WAPL: variants seen among roughly 807,000 people sequenced by gnomAD.
WAPL encodes wings apart-like protein homolog.
In WAPL, 5 loss-of-function variants were observed where a neutral mutation model predicts 121.0. That is an observed-to-expected ratio of 0.04 (90% CI 0.02 to 0.09). The LOEUF (loss-of-function observed/expected upper bound fraction) is 0.09. WAPL is among the 10% of genes least tolerant of loss of function. The pLI is 1.00. For missense variants in WAPL, 999 were observed against 1,410.8 expected (o/e 0.71, Z 4.68); for synonymous variants, 480 against 481.5 (o/e 1.00, Z 0.04).
chr10:86,441,318 C>T (rs541165379), intron 17 of WAPL, among the ~76,000 whole-genome samples: 15 of 152,276 alleles, frequency 9.9e-5, no homozygotes, highest in African/African-American at 3.4e-4. Flanking sequence ...ATAGTCACAA[C>T]CTTTCACTTT....
At chr10:86,502,641 A>T (rs766603914) in intron 2 of WAPL, among the ~76,000 whole-genome samples, 10 of 152,234 alleles carry the variant, frequency 6.6e-5, no homozygotes, top group Admixed American at 1.3e-4. Context: ...ACTGTATACT[A>T]GTCTATACAC....
In WAPL at chr10:86,501,273, T is replaced by C. The variant is rs562542815; in HGVS notation, c.500-530A>G. ...TTCTTTCTTCTAATCCTAAATGCCA[T>C]ATAATCTCAAGGGAATTTTTAGCAG... On this transcript the variant is annotated intron_variant, in intron 2 of 18. Transcript: ENST00000298767. Among the ~76,000 whole-genome samples, 46 of 152,310 alleles carry C rather than the reference T, an allele frequency of 3.0e-4. 1 individual carries two copies. The South Asian group carries it at 7.9e-3, about 26-fold the overall frequency.
intron 9 of WAPL, among the ~76,000 whole-genome samples, chr10:86,462,482 G>GGCC (rs1189656686): frequency 6.6e-6 from 1 of 152,062 alleles, no homozygotes; most frequent in Non-Finnish European, 1.5e-5. Flanking sequence ...CACTTTGGGA[G>GGCC]GCCGAGGCGG....
chr10:86,502,249 C>T (rs922834387), intron 2 of WAPL, among the ~76,000 whole-genome samples: 13 of 152,108 alleles, frequency 8.5e-5, no homozygotes, highest in African/African-American at 3.1e-4. Context: ...CACCTGAATA[C>T]TATGCAGTTG....
chr10:86,508,586 C>G (rs941557523), intron 2 of WAPL, among the ~76,000 whole-genome samples: 3 of 152,148 alleles, frequency 2.0e-5, no homozygotes, highest in African/African-American at 7.2e-5. Flanking sequence ...GCAGTCCTCA[C>G]TTAAGTTGAT....
intron 12 of WAPL, among the ~76,000 whole-genome samples, chr10:86,454,508 C>T (rs1163125493): frequency 1.3e-5 from 2 of 152,226 alleles, no homozygotes; most frequent in Non-Finnish European, 2.9e-5. Context: ...CTGCCTAGTG[C>T]CTGGGACTGC....
At chr10:86,495,695 A>G (rs1228639455) in intron 4 of WAPL, among the ~76,000 whole-genome samples, 1 of 152,248 alleles carries the variant, frequency 6.6e-6, no homozygotes, top group Non-Finnish European at 1.5e-5. Flanking sequence ...ATGTTTTTGC[A>G]TCAAAGGACA....
chr10:86,494,193 TA>T (rs1221491712), intron 4 of WAPL, among the ~76,000 whole-genome samples: 1 of 152,156 alleles, frequency 6.6e-6, no homozygotes, highest in Non-Finnish European at 1.5e-5. Flanking sequence ...AATGAAGGAA[TA>T]AAAATAGTTA....
chr10:86,498,576 T>C (rs942512143), intron 3 of WAPL, among the ~76,000 whole-genome samples: 8 of 152,200 alleles, frequency 5.3e-5, no homozygotes, highest in African/African-American at 1.9e-4. Flanking sequence ...ACTGTAATTC[T>C]AATTTACCAT....
chr10:86,517,760 C>A lies in WAPL; in HGVS notation c.310G>T (p.Ala104Ser). Residue 104 changes from alanine to serine, a missense_variant, in exon 2 of 19, where the codon GCT becomes TCT. Coordinates refer to ENST00000298767, the MANE Select transcript of WAPL (RefSeq NM_015045.5). Reference protein sequence around the residue: ...CSSYSESSEAAQLEEVTSVLE... With the variant: ...CSSYSESSEASQLEEVTSVLE... ...ACTGAAGTGACCTCTTCCAACTGAG[C>A]AGCTTCACTAGATTCTGAATAAGAG... 6.2e-7 allele frequency: 1 copy of A among 1,614,162 alleles called. No individual in the cohort carries two copies. The highest frequency in any genetic ancestry group is 8.5e-7 in the Non-Finnish European group (1 of 1,180,024).
chr10:86,478,237 TG>T (rs1249671463), intron 4 of WAPL, among the ~76,000 whole-genome samples: 1 of 151,996 alleles, frequency 6.6e-6, no homozygotes, highest in Non-Finnish European at 1.5e-5. Context: ...TGAGACAGCC[TG>T]TGCAACACGG....
intron 1 of WAPL, among the ~76,000 whole-genome samples, chr10:86,520,522 C>T (rs11202056): frequency 0.02 from 3,115 of 152,190 alleles, 121 homozygotes; most frequent in African/African-American, 0.071. Context: ...TCGTTTCCCA[C>T]AATAAAATGT....
intron 9 of WAPL, among the ~76,000 whole-genome samples, chr10:86,464,616 C>A (rs927008535): frequency 6.6e-6 from 1 of 152,180 alleles, no homozygotes; most frequent in Non-Finnish European, 1.5e-5. Context: ...GAGGACAGAT[C>A]ACCTGAGTTC....
rs546409875 is a variant in WAPL, at chr10:86,498,831, C to T, written c.1525+887G>A. Among the ~76,000 whole-genome samples the T allele has an allele frequency of 2.6e-5, 4 of 152,308 alleles. No homozygotes were observed. In the South Asian group the frequency reaches 8.3e-4, roughly 32 times the overall value. On this transcript the variant is annotated intron_variant, in intron 3 of 18. Coordinates refer to ENST00000298767, the MANE Select transcript of WAPL (RefSeq NM_015045.5). Reference sequence around the variant, plus strand: ...ACTCCTTGAGGACCCTTAGTCACTACTGAGTCTACAATCTCGGCACAAATT... The same window carrying T: ...ACTCCTTGAGGACCCTTAGTCACTATTGAGTCTACAATCTCGGCACAAATT...
At chr10:86,452,371 C>G (rs934971130) in intron 14 of WAPL, among the ~76,000 whole-genome samples, 1 of 151,842 alleles carries the variant, frequency 6.6e-6, no homozygotes, top group African/African-American at 2.4e-5. Context: ...GTAGGTGGAT[C>G]ACTTGAGGCC....
intron 12 of WAPL, among the ~76,000 whole-genome samples, chr10:86,458,224 T>C (rs1841193196): frequency 6.6e-6 from 1 of 152,230 alleles, no homozygotes; most frequent in African/African-American, 2.4e-5. Context: ...TTGTTCTGGA[T>C]AGGCTAAAGG....
At chr10:86,476,772 A>C (rs1418971529) in intron 4 of WAPL, among the ~76,000 whole-genome samples, 1 of 152,206 alleles carries the variant, frequency 6.6e-6, no homozygotes, top group Non-Finnish European at 1.5e-5. Context: ...GTTTAAGTCT[A>C]ACACATTCGT....
Position 86,437,406 on chromosome 10 carries a change from T to C in WAPL, c.*137A>G. 1 of 763,946 alleles carries C rather than the reference T, an allele frequency of 1.3e-6. No homozygotes were observed. The highest frequency in any genetic ancestry group is 2.0e-6 in the Non-Finnish European group (1 of 494,406). The allele number at this position is 763,946 out of a possible 1,614,324, so 47.3% of individuals were successfully genotyped here. ...CCGAATGCATGACGAAGAAATCAGG[T>C]GGCCTTAAAAATCCAAACACGAATG... On this transcript the variant is annotated 3_prime_UTR_variant, in exon 19 of 19. Coordinates refer to ENST00000298767, the MANE Select transcript of WAPL (RefSeq NM_015045.5).
intron 1 of WAPL, 40 bp from the exon 2 acceptor site, chr10:86,518,131 A>G (rs546169787): frequency 1.8e-4 from 284 of 1,563,828 alleles, no homozygotes; most frequent in Non-Finnish European, 8.6e-5. Context: ...ATCATCAAAT[A>G]CAAGTGTTAA....
Sources: gnomAD v4.1 joint callset for allele counts (sites outside exome capture counted in the v4.1 genomes callset) on GRCh38, gnomAD v4.1.1 for gene constraint, MANE v1.5 for transcripts, NCBI Gene and HGNC (gene_info 2026-07-23, HGNC 2026-07-21) for gene names.